TTC7B: variants seen among roughly 807,000 people sequenced by gnomAD.
TTC7B encodes the protein tetratricopeptide repeat protein 7B.
In TTC7B, 28 loss-of-function variants were observed where a neutral mutation model predicts 106.8. The ratio of observed to expected loss-of-function variants is 0.26; its 90% CI spans 0.19 to 0.36. TTC7B has a LOEUF of 0.36. Ranked by LOEUF, TTC7B falls within the 10% of genes least tolerant of loss-of-function variation. The pLI, the probability that TTC7B is intolerant of heterozygous loss-of-function variation, is 1.00. For synonymous variants in TTC7B, 405 were observed against 430.6 expected, an observed-to-expected ratio of 0.94 and a Z score of 0.74; for missense variants, 862 against 1,076.4, an observed-to-expected ratio of 0.80 and a Z score of 2.79.
At chr14:90,644,251 G>GCACACT in intron 14 of TTC7B, 43 bp from the exon 15 acceptor site, 2 of 1,396,960 alleles carry the variant, frequency 1.4e-6, no homozygotes, top group African/African-American at 2.0e-5. Flanking sequence ...ATACACACAT[G>GCACACT]CACACGCACA....
At position 90,575,008 on chromosome 14, in the gene TTC7B, C is replaced by A. The variant is rs1042158857; in HGVS notation, c.2310+3098G>T. Among the ~76,000 whole-genome samples the A allele has an allele frequency of 1.3e-5, 2 of 152,200 alleles. No homozygotes were observed. Among genetic ancestry groups the A allele is most frequent in the Admixed American group, 1.3e-4 (2 of 15,286 alleles). On this transcript the variant is annotated intron_variant, in intron 19 of 19. Transcript: ENST00000328459. This position sits in a 1 kb window ranked among gnomAD's most constrained non-coding sequence, Gnocchi z 5.2. Reference sequence around the variant, plus strand: ...TGACCCTGGCCTCCCTGGCCTCCCCCTCGCCGCTCTCCCTGTGTGCCAGGC... The same window carrying A: ...TGACCCTGGCCTCCCTGGCCTCCCCATCGCCGCTCTCCCTGTGTGCCAGGC...
In TTC7B at chr14:90,759,808, A is replaced by G. The variant is rs1027012843; in HGVS notation, c.446-14886T>C. On this transcript the variant is annotated intron_variant, in intron 3 of 19. Transcript: ENST00000328459. The surrounding 1 kb of genome is among the most constrained non-coding windows in gnomAD (Gnocchi z 4.1). ...TGTTATTCAGCTAGAGTTTATCTTCAATAGTGTGCCCCTGGATGCCAGGGC... is the reference window on the plus strand; with the variant it reads ...TGTTATTCAGCTAGAGTTTATCTTCGATAGTGTGCCCCTGGATGCCAGGGC... 2.0e-5 allele frequency among the ~76,000 whole-genome samples: 3 copies of G among 152,220 alleles called. No homozygotes were observed. Among genetic ancestry groups the G allele is most frequent in the African/African-American group, 7.2e-5 (3 of 41,462 alleles).
chr14:90,783,869 G>A (rs1467628767), intron 2 of TTC7B, among the ~76,000 whole-genome samples: 16 of 151,958 alleles, frequency 1.1e-4, no homozygotes, highest in Admixed American at 9.8e-4. Context: ...CCTGGGAGGT[G>A]GAGGTTGCAG....
chr14:90,658,156 T>C, intron 10 of TTC7B, 148 bp downstream of exon 10: 1 of 660,132 alleles, frequency 1.5e-6, no homozygotes, highest in South Asian at 1.9e-5. Context: ...TTAAATCTGA[T>C]TGTTCACTGA....
In TTC7B at chr14:90,767,287, G is replaced by T. The variant is rs971147541; in HGVS notation, c.445+13451C>A. ...AAGTGAAATGAAAAATTCACTAGAGGGCTTCAAAGGCAAACTTGAGCAGGC... is the reference window on the plus strand; with the variant it reads ...AAGTGAAATGAAAAATTCACTAGAGTGCTTCAAAGGCAAACTTGAGCAGGC... On this transcript the variant is annotated intron_variant, in intron 3 of 19. Coordinates refer to ENST00000328459, the MANE Select transcript of TTC7B (RefSeq NM_001010854.2). 4.6e-5 allele frequency among the ~76,000 whole-genome samples: 7 copies of T among 152,218 alleles called. No individual in the cohort carries two copies. The South Asian group carries it at 1.5e-3, about 32-fold the overall frequency.
chr14:90,772,202 C>T (rs1445881180), intron 3 of TTC7B, among the ~76,000 whole-genome samples: 1 of 151,748 alleles, frequency 6.6e-6, no homozygotes, highest in Admixed American at 6.6e-5. Context: ...CTGGAAATAC[C>T]TCCCTTCAAC....
At chr14:90,677,876 G>A (rs532513043) in intron 8 of TTC7B, 37 of 444,446 alleles carry the variant, frequency 8.3e-5, no homozygotes, top group African/African-American at 4.8e-4. Context: ...ATATAAGACA[G>A]GCCACTTCCT....
Position 90,534,596 on chromosome 14 carries a change from G to A in TTC7B, c.*6772C>T, listed in dbSNP as rs187638523. ...CCTGTCGGCCTTGAGAGGTGGTGGG[G>A]GAGGAGCAGGAATGAGAAGGTGGCG... is the stretch of plus-strand genomic sequence containing the variant. On this transcript the variant is annotated 3_prime_UTR_variant, in exon 20 of 20. Transcript: ENST00000328459. 2.0e-3 allele frequency: 303 copies of A among 152,918 alleles called. 3 individuals carry two copies. Among genetic ancestry groups the A allele is most frequent in the Middle Eastern group, 3.4e-3 (1 of 298 alleles). The allele number at this position is 152,918 out of a possible 1,614,324, so 9.5% of individuals were successfully genotyped here.
chr14:90,709,981 G>GA (rs71461919), intron 5 of TTC7B, among the ~76,000 whole-genome samples: 20,213 of 76,414 alleles, frequency 0.26, 2,052 homozygotes, highest in Middle Eastern at 0.34. Context: ...TTATGTGCCA[G>GA]AAAAAAAAAA....
At chr14:90,810,888 T>A (rs2030863841) in intron 1 of TTC7B, among the ~76,000 whole-genome samples, 1 of 152,134 alleles carries the variant, frequency 6.6e-6, no homozygotes, top group East Asian at 1.9e-4. Flanking sequence ...TGAGCAAAGG[T>A]GCACAGACAA....
At chr14:90,546,804 C>A (rs1218351598) in intron 19 of TTC7B, among the ~76,000 whole-genome samples, 1 of 152,234 alleles carries the variant, frequency 6.6e-6, no homozygotes, top group Admixed American at 6.5e-5. Context: ...TAAGCGCAGG[C>A]CTGCTCTCAA....
intron 15 of TTC7B, among the ~76,000 whole-genome samples, chr14:90,629,791 C>T (rs1255022305): frequency 6.6e-6 from 1 of 152,230 alleles, no homozygotes; most frequent in East Asian, 1.9e-4. Flanking sequence ...CTGGCCCAGC[C>T]TCGCCTCTCC....
intron 16 of TTC7B, among the ~76,000 whole-genome samples, chr14:90,617,595 C>T (rs1566800889): frequency 6.6e-6 from 1 of 152,170 alleles, no homozygotes; most frequent in African/African-American, 2.4e-5. Context: ...CTGGTCTATA[C>T]ATAAATTACC....
rs144550689 is a variant in TTC7B, at chr14:90,542,469, T to C, written c.2311-880A>G. Among the ~76,000 whole-genome samples, 265 of 152,238 alleles carry C rather than the reference T, an allele frequency of 1.7e-3. 2 individuals are homozygous for C. Among genetic ancestry groups the C allele is most frequent in the African/African-American group, 6.0e-3 (249 of 41,544 alleles). On this transcript the variant is annotated intron_variant, in intron 19 of 19. Coordinates refer to ENST00000328459, the MANE Select transcript of TTC7B (RefSeq NM_001010854.2). ...TGCGTTTCCAAGCTGCGCACCTCTA[T>C]AAGCGATGCGTGTACTCGCTCATCC...
chr14:90,762,176 T>A lies in TTC7B; in HGVS notation c.446-17254A>T, dbSNP rs528592852. On this transcript the variant is annotated intron_variant, in intron 3 of 19. Transcript: ENST00000328459. ...CCAGAGGAAGCTCCCTAATGGGCAC[T>A]AAAACTACAGAGAAAGGTTTCATCT... 6.6e-5 allele frequency among the ~76,000 whole-genome samples: 10 copies of A among 152,300 alleles called. No homozygotes were observed. The East Asian group carries it at 1.9e-3, about 29-fold the overall frequency.
intron 17 of TTC7B, among the ~76,000 whole-genome samples, chr14:90,602,577 T>C (rs1424899985): frequency 6.6e-6 from 1 of 152,104 alleles, no homozygotes; most frequent in Admixed American, 6.5e-5. Context: ...GGCGTGTGCA[T>C]GGTGTCCCAG....
At chr14:90,718,171 T>C (rs2139975359) in intron 5 of TTC7B, among the ~76,000 whole-genome samples, 1 of 152,330 alleles carries the variant, frequency 6.6e-6, no homozygotes, top group East Asian at 1.9e-4. Flanking sequence ...AGTTCAAGTC[T>C]GGGAGGCTGT....
In TTC7B at chr14:90,816,069, C is replaced by T. The variant is rs552019165; in HGVS notation, c.121+106G>A. ...CCTGGGCCGCAGCTCCCTCGCGGCC[C>T]GGCCGCGCCCCTGCCCGCGCCCCGC... is the stretch of plus-strand genomic sequence containing the variant. On this transcript the variant is annotated intron_variant, in intron 1 of 19. Coordinates refer to ENST00000328459, the MANE Select transcript of TTC7B (RefSeq NM_001010854.2). 1,207 of 977,012 alleles carry T rather than the reference C, an allele frequency of 1.2e-3. 24 individuals carry two copies. The African/African-American group carries it at 0.02, about 16-fold the overall frequency. The allele number at this position is 977,012 out of a possible 1,614,324, so 60.5% of individuals were successfully genotyped here.
At chr14:90,585,496 G>A (rs897165586) in intron 18 of TTC7B, 1 of 152,412 alleles carries the variant, frequency 6.6e-6, no homozygotes, top group Non-Finnish European at 1.5e-5. Context: ...TGTCTCTTCT[G>A]ACTTCGTCAC....
Sources: allele counts gnomAD v4.1 joint callset (sites outside exome capture counted in the v4.1 genomes callset), GRCh38; gene constraint gnomAD v4.1.1; non-coding constraint Gnocchi (gnomAD v3.1); transcripts MANE v1.5; gene names NCBI Gene and HGNC (gene_info 2026-07-23, HGNC 2026-07-21).